The following CSNK2A1 variants were observed in gnomAD, a reference collection of about 807,000 sequenced individuals.
CSNK2A1 encodes the protein casein kinase II subunit alpha.
A neutral mutation model predicts 62.9 loss-of-function variants in CSNK2A1; 10 were observed. The ratio of observed to expected loss-of-function variants is 0.16; its 90% CI spans 0.10 to 0.27. The LOEUF (loss-of-function observed/expected upper bound fraction) is 0.27, where lower values mean the gene tolerates loss of function less well. Among genes scored for constraint, CSNK2A1 ranks in the 10% least tolerant of loss-of-function variants. The probability of loss-of-function intolerance (pLI) is 1.00; values close to 1 mark genes in which losing one functional copy is unlikely to be tolerated. For missense variants in CSNK2A1, 160 were observed against 492.0 expected (o/e 0.33, Z 6.38); for synonymous variants, 124 against 167.8 (o/e 0.74, Z 2.02).
At chr20:525,175 G>A (rs913054017) in intron 2 of CSNK2A1, among the ~76,000 whole-genome samples, 8 of 151,950 alleles carry the variant, frequency 5.3e-5, no homozygotes, top group Admixed American at 1.3e-4. Flanking sequence ...ATAAAAATAC[G>A]ATATTTCAAA....
intron 4 of CSNK2A1, chr20:504,079 T>A (rs1375372801): frequency 6.5e-6 from 1 of 153,224 alleles, no homozygotes; most frequent in Non-Finnish European, 1.5e-5. Context: ...CTTGGGAGGC[T>A]AAGGCAGGAG....
At position 536,938 on chromosome 20, in the gene CSNK2A1, T is replaced by C. The variant is rs373004986; in HGVS notation, c.-227+6734A>G. 3.3e-5 allele frequency among the ~76,000 whole-genome samples: 5 copies of C among 152,216 alleles called. No homozygotes were observed. The East Asian group carries it at 7.7e-4, about 23-fold the overall frequency. ...ACCCAAAATGACCATCTCGTATTTC[T>C]GGATATGACATGATACCATTTTTTG... is the stretch of plus-strand genomic sequence containing the variant. On this transcript the variant is annotated intron_variant, in intron 1 of 13. Transcript: ENST00000217244.
rs2017841017 is a variant in CSNK2A1, at chr20:475,951, T to C, written c.*8010A>G. ...TGGGCTGAACTTGATCTAGATCAGC[T>C]GAACTACATACAGTTGCCTTAGAAA... On this transcript the variant is annotated 3_prime_UTR_variant, in exon 14 of 14. Transcript: ENST00000217244. 6.6e-6 allele frequency: 1 copy of C among 152,256 alleles called. No individual in the cohort carries two copies. Among genetic ancestry groups the C allele is most frequent in the South Asian group, 2.1e-4 (1 of 4,836 alleles). The allele number at this position is 152,256 out of a possible 1,614,324, so 9.4% of individuals were successfully genotyped here.
chr20:491,928 C>T (rs2018244068), intron 9 of CSNK2A1, among the ~76,000 whole-genome samples: 1 of 151,866 alleles, frequency 6.6e-6, no homozygotes, highest in Non-Finnish European at 1.5e-5. Context: ...CGTCTCAAAA[C>T]AAAAACAAAA....
intron 7 of CSNK2A1, among the ~76,000 whole-genome samples, chr20:497,107 AT>A (rs1177868320): frequency 6.6e-6 from 1 of 152,148 alleles, no homozygotes; most frequent in African/African-American, 2.4e-5. Context: ...ACTAGACCCC[AT>A]TCCATAACCC....
intron 2 of CSNK2A1, among the ~76,000 whole-genome samples, chr20:508,914 T>A (rs1379202781): frequency 6.6e-6 from 1 of 152,224 alleles, no homozygotes; most frequent in African/African-American, 2.4e-5. Context: ...AAAATTTGAA[T>A]GATTTTTGTA....
intron 3 of CSNK2A1, chr20:506,998 TAAC>T (rs755205444): frequency 2.4e-4 from 36 of 152,276 alleles, no homozygotes; most frequent in African/African-American, 7.9e-4. Context: ...TTATCAGTAA[TAAC>T]AACATTTATT....
intron 1 of CSNK2A1, among the ~76,000 whole-genome samples, chr20:530,468 C>CTTTTT (rs779710774): frequency 7.4e-6 from 1 of 135,166 alleles, no homozygotes; most frequent in Non-Finnish European, 1.6e-5. Context: ...ACTTTTTTTC[C>CTTTTT]TTTTTTTTTT....
chr20:530,460 T>C (rs994976904), intron 1 of CSNK2A1, among the ~76,000 whole-genome samples: 1 of 149,066 alleles, frequency 6.7e-6, no homozygotes, highest in Admixed American at 6.6e-5. Context: ...AGTTTTTCAC[T>C]TTTTTTCCTT....
intron 1 of CSNK2A1, among the ~76,000 whole-genome samples, chr20:535,835 G>A (rs2019307813): frequency 1.3e-5 from 2 of 151,718 alleles, no homozygotes; most frequent in Non-Finnish European, 2.9e-5. Flanking sequence ...AAACAAGAAA[G>A]CAAGTTAGTG....
At chr20:488,533 G>A (rs2018149844) in intron 11 of CSNK2A1, 145 bp downstream of exon 11, 3 of 749,250 alleles carry the variant, frequency 4.0e-6, no homozygotes, top group African/African-American at 1.8e-5. Flanking sequence ...TCAGAGGCCT[G>A]CTCAATGCAG....
intron 4 of CSNK2A1, chr20:501,345 G>A (rs1254120139): frequency 6.6e-6 from 1 of 152,284 alleles, no homozygotes; most frequent in African/African-American, 2.4e-5. Context: ...TTATAGGCAT[G>A]AGCCACTGTG....
chr20:488,605 T>G, intron 11 of CSNK2A1, 73 bp downstream of exon 11: 2 of 1,433,312 alleles, frequency 1.4e-6, no homozygotes, highest in Non-Finnish European at 2.0e-6. Context: ...ATAACTATTT[T>G]GAAGATCCTA....
rs2122485451 is a variant in CSNK2A1 at position 481,591 on chromosome 20, C to T, written c.*2370G>A. On this transcript the variant is annotated 3_prime_UTR_variant, in exon 14 of 14. Transcript: ENST00000217244. ...AAAAACTTCTATTTATTTTAAAAGG[C>T]TCTTGGGTGGCACCTCAGAGTCCTC... 1 of 148,380 alleles carries T rather than the reference C, an allele frequency of 6.7e-6. No homozygotes were observed. Among genetic ancestry groups the T allele is most frequent in the Non-Finnish European group, 1.5e-5 (1 of 67,694 alleles). 9.2% of individuals were successfully genotyped at this position (148,380 alleles called of 1,614,324 possible). A position where few individuals can be genotyped will look rare whatever the true frequency, so the allele number is the denominator to read the frequency against.
At position 500,676 on chromosome 20, in the gene CSNK2A1, T is replaced by C. The variant is rs190501212; in HGVS notation, c.214-742A>G. 3.4e-5 allele frequency: 5 copies of C among 148,296 alleles called. No homozygotes were observed. The East Asian group carries it at 9.9e-4, about 29-fold the overall frequency. 9.2% of individuals were successfully genotyped at this position (148,296 alleles called of 1,614,324 possible). A position where few individuals can be genotyped will look rare whatever the true frequency, so the allele number is the denominator to read the frequency against. ...TTTTTTGAGACAGAGTCTTGCTCTG[T>C]CACCCAGGCTGGAGTGCAGTGGTGC... is the stretch of plus-strand genomic sequence containing the variant. On this transcript the variant is annotated intron_variant, in intron 4 of 13. Coordinates refer to ENST00000217244, the MANE Select transcript of CSNK2A1 (RefSeq NM_177559.3).
intron 2 of CSNK2A1, chr20:510,486 C>T (rs2018696075): frequency 1.3e-5 from 2 of 151,950 alleles, no homozygotes; most frequent in African/African-American, 4.8e-5. Flanking sequence ...AAGAATATGT[C>T]TATTGTTAAG....
chr20:503,390 C>T, intron 4 of CSNK2A1: 1 of 398,060 alleles, frequency 2.5e-6, no homozygotes, highest in Non-Finnish European at 4.4e-6. Context: ...TTTTGATTTC[C>T]AACCTAGTTC....
rs1454398649 is a variant in CSNK2A1, at chr20:499,229, C to T, written c.366+26G>A. 1.9e-6 allele frequency: 3 copies of T among 1,573,216 alleles called. No individual in the cohort carries two copies. Among genetic ancestry groups the T allele is most frequent in the East Asian group, 4.6e-5 (2 of 43,090 alleles). On this transcript the variant is annotated intron_variant, in intron 6 of 13. Coordinates refer to ENST00000217244, the MANE Select transcript of CSNK2A1 (RefSeq NM_177559.3). The surrounding 1 kb of genome is among the most constrained non-coding windows in gnomAD (Gnocchi z 4.2). ...CTATGTGGTCTAAAAACCCACTAGC[C>T]CGAAACAGTTGGTTATATATTATAC... is the stretch of plus-strand genomic sequence containing the variant.
At chr20:505,040 G>T in intron 4 of CSNK2A1, 78 bp downstream of exon 4, 2 of 1,251,820 alleles carry the variant, frequency 1.6e-6, no homozygotes, top group Non-Finnish European at 1.1e-6. Flanking sequence ...CCTTTTAAAT[G>T]CTGTTTTAAA....
Sources: allele counts gnomAD v4.1 joint callset (sites outside exome capture counted in the v4.1 genomes callset), GRCh38; gene constraint gnomAD v4.1.1; non-coding constraint Gnocchi (gnomAD v3.1); transcripts MANE v1.5; gene names NCBI Gene and HGNC (gene_info 2026-07-23, HGNC 2026-07-21).